The following TMCC1 variants were observed in gnomAD, a reference collection of about 807,000 sequenced individuals.
TMCC1 encodes the protein transmembrane and coiled-coil domains protein 1.
TMCC1 carries 15 observed loss-of-function variants against 52.4 expected under a neutral mutation model. The ratio of observed to expected loss-of-function variants is 0.29; its 90% CI spans 0.19 to 0.44. The LOEUF is 0.44. Among genes scored for constraint, TMCC1 ranks in the 20% least tolerant of loss-of-function variants. The probability of loss-of-function intolerance (pLI) is 1.00; values close to 1 mark genes in which losing one functional copy is unlikely to be tolerated. For missense variants in TMCC1, 503 were observed against 806.0 expected, an observed-to-expected ratio of 0.62 and a Z score of 4.55; for synonymous variants, 279 against 301.9, an observed-to-expected ratio of 0.92 and a Z score of 0.79.
intron 4 of TMCC1, among the ~76,000 whole-genome samples, chr3:129,696,685 A>G: frequency 6.6e-6 from 1 of 152,260 alleles, no homozygotes; most frequent in East Asian, 1.9e-4. Flanking sequence ...CTGTAAAATA[A>G]AAAGCAAGTT....
intron 1 of TMCC1, among the ~76,000 whole-genome samples, chr3:129,888,616 T>C (rs1339280687): frequency 6.6e-6 from 1 of 152,152 alleles, no homozygotes; most frequent in African/African-American, 2.4e-5. Context: ...AGGAGCCAAC[T>C]TAAAGAGCTC....
chr3:129,698,611 C>T (rs557819317), intron 4 of TMCC1, among the ~76,000 whole-genome samples: 2 of 152,260 alleles, frequency 1.3e-5, no homozygotes, highest in South Asian at 4.1e-4. Context: ...TATAATTTTA[C>T]CTTAAGAAAA....
intron 2 of TMCC1, among the ~76,000 whole-genome samples, chr3:129,871,899 A>G (rs1038186690): frequency 1.1e-4 from 17 of 152,240 alleles, no homozygotes; most frequent in African/African-American, 4.1e-4. Flanking sequence ...TGAATCTACG[A>G]AGTGATACCA....
chr3:129,664,208 C>G (rs930996471), intron 5 of TMCC1, among the ~76,000 whole-genome samples: 2 of 152,184 alleles, frequency 1.3e-5, no homozygotes, highest in Admixed American at 1.3e-4. Flanking sequence ...TTGTCCAAAT[C>G]TAGCCTACAT....
intron 4 of TMCC1, among the ~76,000 whole-genome samples, chr3:129,705,534 A>G (rs2108983115): frequency 6.6e-6 from 1 of 151,342 alleles, no homozygotes; most frequent in East Asian, 1.9e-4. Context: ...TCTTGATTTT[A>G]TTTATCAGAA....
In TMCC1 at chr3:129,828,969, A is replaced by G. The variant is rs865966719; in HGVS notation, c.-130-461T>C. ...AGGCTGAAACTCAGTATAATCAAAGAACAACAGTGAGAAATGGATATCCCA... is the reference window on the plus strand; with the variant it reads ...AGGCTGAAACTCAGTATAATCAAAGGACAACAGTGAGAAATGGATATCCCA... On this transcript the variant is annotated intron_variant, in intron 3 of 6. Transcript: ENST00000393238. This position sits in a 1 kb window ranked among gnomAD's most constrained non-coding sequence, Gnocchi z 4.1. 6.6e-6 allele frequency among the ~76,000 whole-genome samples: 1 copy of G among 152,210 alleles called. No individual in the cohort carries two copies.
intron 4 of TMCC1, among the ~76,000 whole-genome samples, chr3:129,808,823 C>A (rs1576931076): frequency 7.1e-6 from 1 of 141,818 alleles, no homozygotes; most frequent in South Asian, 2.2e-4. Context: ...AAAATAGCAG[C>A]ATAAGCATGT....
At chr3:129,708,842 C>T (rs1014174744) in intron 4 of TMCC1, among the ~76,000 whole-genome samples, 2 of 152,134 alleles carry the variant, frequency 1.3e-5, no homozygotes, top group African/African-American at 2.4e-5. Context: ...TGCTGAAATC[C>T]GGCATACCCT....
At chr3:129,818,506 A>C (rs1192057103) in intron 4 of TMCC1, among the ~76,000 whole-genome samples, 1 of 20,476 alleles carries the variant, frequency 4.9e-5, no homozygotes, top group African/African-American at 2.5e-4. Flanking sequence ...GTTTTAAAGA[A>C]ACTTTTAAAG....
intron 4 of TMCC1, among the ~76,000 whole-genome samples, chr3:129,806,630 C>A (rs1246458855): frequency 6.6e-6 from 1 of 152,054 alleles, no homozygotes; most frequent in African/African-American, 2.4e-5. Flanking sequence ...AAGTCTTTAA[C>A]ATAAAAGACA....
At chr3:129,778,982 G>A (rs550284289) in intron 4 of TMCC1, among the ~76,000 whole-genome samples, 12 of 151,998 alleles carry the variant, frequency 7.9e-5, no homozygotes, top group African/African-American at 2.4e-4. Context: ...CAGGGGTTTT[G>A]TTTTGTAGTT....
chr3:129,752,290 C>T (rs1249342082), intron 4 of TMCC1, among the ~76,000 whole-genome samples: 2 of 152,192 alleles, frequency 1.3e-5, no homozygotes, highest in African/African-American at 2.4e-5. Flanking sequence ...ATATTAACAT[C>T]CATATATTCA....
chr3:129,840,150 A>G (rs921688127), intron 2 of TMCC1, among the ~76,000 whole-genome samples: 1 of 151,862 alleles, frequency 6.6e-6, no homozygotes, highest in Non-Finnish European at 1.5e-5. Flanking sequence ...CAACATGGTG[A>G]AACCCTTTCT....
At chr3:129,769,602 T>C (rs1419936693) in intron 4 of TMCC1, among the ~76,000 whole-genome samples, 3 of 151,726 alleles carry the variant, frequency 2.0e-5, no homozygotes, top group Non-Finnish European at 4.4e-5. Context: ...GTATTTTATA[T>C]GTGGCCCAAG....
At chr3:129,660,767 T>C (rs910680656) in intron 5 of TMCC1, among the ~76,000 whole-genome samples, 1 of 152,114 alleles carries the variant, frequency 6.6e-6, no homozygotes, top group African/African-American at 2.4e-5. Context: ...TCTCAAGTAA[T>C]TTTTATTTTT....
chr3:129,712,514 C>A (rs1267844327), intron 4 of TMCC1, among the ~76,000 whole-genome samples: 1 of 152,170 alleles, frequency 6.6e-6, no homozygotes, highest in African/African-American at 2.4e-5. Context: ...GTGGCACAAT[C>A]ACCACTCATT....
At chr3:129,800,636 G>A (rs1196305193) in intron 4 of TMCC1, among the ~76,000 whole-genome samples, 1 of 130,378 alleles carries the variant, frequency 7.7e-6, no homozygotes, top group East Asian at 2.1e-4. Flanking sequence ...TCCTTCTGTC[G>A]CTTTTCTCAT....
At chr3:129,852,828 C>A (rs769761260) in intron 2 of TMCC1, among the ~76,000 whole-genome samples, 1 of 152,040 alleles carries the variant, frequency 6.6e-6, no homozygotes, top group Non-Finnish European at 1.5e-5. Context: ...AACTTTCTGT[C>A]GATGTTGACT....
At chr3:129,817,403 C>T (rs1411177426) in intron 4 of TMCC1, among the ~76,000 whole-genome samples, 1 of 152,068 alleles carries the variant, frequency 6.6e-6, no homozygotes, top group Admixed American at 6.6e-5. Flanking sequence ...GAGCCGTGAT[C>T]AAACTACTGC....
Sources: allele counts gnomAD v4.1 joint callset (sites outside exome capture counted in the v4.1 genomes callset), GRCh38; gene constraint gnomAD v4.1.1; non-coding constraint Gnocchi (gnomAD v3.1); transcripts MANE v1.5; gene names NCBI Gene and HGNC (gene_info 2026-07-23, HGNC 2026-07-21).